Variants in LPP observed in about 807,000 individuals in gnomAD.
LPP encodes LIM domain containing preferred translocation partner in lipoma.
A neutral mutation model predicts 60.4 loss-of-function variants in LPP; 38 were observed. That is an observed-to-expected ratio of 0.63 (90% CI 0.49 to 0.83). LPP has a LOEUF of 0.83. Among genes scored for constraint, LPP ranks in the 40% least tolerant of loss-of-function variants. The probability of loss-of-function intolerance (pLI) is 0.00; values close to 1 mark genes in which losing one functional copy is unlikely to be tolerated. For missense variants in LPP, 902 were observed against 783.6 expected (o/e 1.15, Z -1.80); for synonymous variants, 328 against 290.8 (o/e 1.13, Z -1.30).
chr3:188,822,789 C>T (rs1171519538), intron 9 of LPP, among the ~76,000 whole-genome samples: 3 of 152,158 alleles, frequency 2.0e-5, no homozygotes, highest in Non-Finnish European at 4.4e-5. Flanking sequence ...TTCTGGTGAT[C>T]TGCTTTATGA....
At position 188,462,588 on chromosome 3, in the gene LPP, ATGTGTGTGTGTGTGTGTGTGTGTG is replaced by A. The variant is rs71169003; in HGVS notation, c.194-21980_194-21957del. 1.3e-3 allele frequency among the ~76,000 whole-genome samples: 75 copies of A among 58,274 alleles called. 1 individual carries two copies. Among genetic ancestry groups the A allele is most frequent in the South Asian group, 3.5e-3 (4 of 1,132 alleles). The allele number at this position is 58,274 out of a possible 152,430, so 38.2% of individuals were successfully genotyped here. A position where few individuals can be genotyped will look rare whatever the true frequency, so the allele number is the denominator to read the frequency against. On this transcript the variant is annotated intron_variant, in intron 4 of 11. Coordinates refer to ENST00000617246, the MANE Select transcript of LPP (RefSeq NM_001375462.1). Reference sequence around the variant, plus strand: ...TATATATATATATATATATATATGCATGTGTGTGTGTGTGTGTGTGTGTGTGTGTGTGTGTGTGTGTGTGTGTTA... The same window carrying A: ...TATATATATATATATATATATATGCATGTGTGTGTGTGTGTGTGTGTGTTA...
chr3:188,433,153 T>G (rs1277385003), intron 4 of LPP, among the ~76,000 whole-genome samples: 1 of 152,092 alleles, frequency 6.6e-6, no homozygotes, highest in Non-Finnish European at 1.5e-5. Context: ...AAATATATAT[T>G]AAGAATAAGG....
chr3:188,861,181 G>C (rs747757947), intron 9 of LPP, among the ~76,000 whole-genome samples: 34 of 152,144 alleles, frequency 2.2e-4, no homozygotes, highest in Admixed American at 5.2e-4. Context: ...GAATGGCCAA[G>C]TAAAAGAAGG....
chr3:188,234,120 T>C (rs1577435944), intron 2 of LPP, among the ~76,000 whole-genome samples: 1 of 152,170 alleles, frequency 6.6e-6, no homozygotes, highest in African/African-American at 2.4e-5. Context: ...TGTACTCTTA[T>C]GGAACTTAGT....
At chr3:188,428,785 T>G (rs977948634) in intron 4 of LPP, among the ~76,000 whole-genome samples, 17 of 152,104 alleles carry the variant, frequency 1.1e-4, no homozygotes, top group Non-Finnish European at 2.1e-4. Flanking sequence ...AGATTTATTA[T>G]TATTTAAATT....
At chr3:188,804,277 A>ATATATATATATATATATATATATATG (rs1388317207) in intron 9 of LPP, among the ~76,000 whole-genome samples, 1 of 126,160 alleles carries the variant, frequency 7.9e-6, no homozygotes, top group South Asian at 2.5e-4. Flanking sequence ...ATATATATAT[A>ATATATATATATATATATATATATATG]TATATAAAAT....
intron 7 of LPP, among the ~76,000 whole-genome samples, chr3:188,625,981 A>G (rs1020561363): frequency 3.9e-5 from 6 of 152,186 alleles, no homozygotes; most frequent in Non-Finnish European, 5.9e-5. Flanking sequence ...TACCTATTTT[A>G]GTTAATACTC....
intron 3 of LPP, among the ~76,000 whole-genome samples, chr3:188,367,806 A>C (rs940406097): frequency 3.9e-5 from 6 of 152,230 alleles, no homozygotes; most frequent in African/African-American, 1.4e-4. Flanking sequence ...AGCAATAAGC[A>C]CAACTTTCTT....
chr3:188,870,865 A>G, intron 10 of LPP, among the ~76,000 whole-genome samples: 1 of 152,214 alleles, frequency 6.6e-6, no homozygotes, highest in East Asian at 1.9e-4. Context: ...CAGCAAGAAT[A>G]CAGTTTATGT....
At chr3:188,663,233 A>G (rs1466426016) in intron 7 of LPP, among the ~76,000 whole-genome samples, 5 of 152,222 alleles carry the variant, frequency 3.3e-5, no homozygotes, top group Admixed American at 2.0e-4. Context: ...CATGTGAGAC[A>G]TCTTGGATCT....
At chr3:188,284,191 G>A (rs1375664663) in intron 2 of LPP, among the ~76,000 whole-genome samples, 4 of 151,794 alleles carry the variant, frequency 2.6e-5, no homozygotes, top group African/African-American at 9.7e-5. Context: ...CAGGTGATCC[G>A]CCTGCCTCGG....
chr3:188,375,660 C>T (rs1162316406), intron 3 of LPP, among the ~76,000 whole-genome samples: 1 of 152,050 alleles, frequency 6.6e-6, no homozygotes, highest in Admixed American at 6.5e-5. Flanking sequence ...AAACCAGCTC[C>T]TGGATTCATT....
intron 7 of LPP, among the ~76,000 whole-genome samples, chr3:188,669,877 G>A (rs1299973144): frequency 1.3e-5 from 2 of 152,188 alleles, no homozygotes; most frequent in African/African-American, 4.8e-5. Flanking sequence ...TGATAGACTG[G>A]ATTAAGAAAA....
chr3:188,752,392 G>A (rs1406599975), intron 8 of LPP, among the ~76,000 whole-genome samples: 2 of 152,150 alleles, frequency 1.3e-5, no homozygotes, highest in African/African-American at 2.4e-5. Flanking sequence ...TGTCTAGGCT[G>A]CCAATAGCTA....
chr3:188,580,628 G>T lies in LPP; in HGVS notation c.430-28533G>T, dbSNP rs138178115. Among the ~76,000 whole-genome samples the T allele has an allele frequency of 3.9e-4, 59 of 152,258 alleles. 1 individual carries two copies. The highest frequency in any genetic ancestry group is 1.4e-3 in the African/African-American group (58 of 41,518). ...TGGGAATCATTATGTAGCAAGAGTG[G>T]TCTACATATTGGTCTTGCAGCAACA... On this transcript the variant is annotated intron_variant, in intron 6 of 11. Coordinates refer to ENST00000617246, the MANE Select transcript of LPP (RefSeq NM_001375462.1).
At chr3:188,723,904 T>C (rs187105391) in intron 8 of LPP, among the ~76,000 whole-genome samples, 1 of 152,294 alleles carries the variant, frequency 6.6e-6, no homozygotes, top group South Asian at 2.1e-4. Context: ...GGAGAGCACA[T>C]CTTTCTTATC....
intron 1 of LPP, among the ~76,000 whole-genome samples, chr3:188,222,017 C>G (rs751741092): frequency 1.3e-5 from 2 of 152,158 alleles, no homozygotes; most frequent in African/African-American, 4.8e-5. Flanking sequence ...CTAACTTCTC[C>G]GTTCCTCAGT....
At chr3:188,782,734 G>A (rs532284836) in intron 9 of LPP, among the ~76,000 whole-genome samples, 1 of 147,630 alleles carries the variant, frequency 6.8e-6, no homozygotes, top group African/African-American at 2.4e-5. Flanking sequence ...GCTGAATGTT[G>A]CTGGGAAAAA....
At chr3:188,214,130 TC>T (rs1406338533) in intron 1 of LPP, among the ~76,000 whole-genome samples, 1 of 152,004 alleles carries the variant, frequency 6.6e-6, no homozygotes, top group Non-Finnish European at 1.5e-5. Context: ...TTTTTTTTTT[TC>T]TTTCTTTCTT....
Sources: gnomAD v4.1 joint callset for allele counts (sites outside exome capture counted in the v4.1 genomes callset) on GRCh38, gnomAD v4.1.1 for gene constraint, MANE v1.5 for transcripts, NCBI Gene and HGNC (gene_info 2026-07-23, HGNC 2026-07-21) for gene names.